The following MITF variants were observed in gnomAD, a reference collection of about 807,000 sequenced individuals.
MITF encodes melanocyte inducing transcription factor.
MITF carries 17 observed loss-of-function variants against 60.5 expected under a neutral mutation model. The observed-to-expected ratio is 0.28, with a 90% CI of 0.19 to 0.42. The LOEUF (loss-of-function observed/expected upper bound fraction) is 0.42, where lower values mean the gene tolerates loss of function less well. MITF is among the 10% of genes least tolerant of loss of function. The pLI, the probability that MITF is intolerant of heterozygous loss-of-function variation, is 1.00. For missense variants in MITF, 622 were observed against 683.5 expected (o/e 0.91, Z 1.00); for synonymous variants, 260 against 248.5 (o/e 1.05, Z -0.43).
intron 1 of MITF, among the ~76,000 whole-genome samples, chr3:69,831,905 A>G (rs1030158471): frequency 3.3e-5 from 5 of 152,098 alleles, no homozygotes; most frequent in African/African-American, 1.2e-4. Context: ...ACGGTGCCCG[A>G]GGGAGTGGGA....
At chr3:69,961,114 G>A (rs146795522) in intron 9 of MITF, among the ~76,000 whole-genome samples, 195 of 152,292 alleles carry the variant, frequency 1.3e-3, no homozygotes, top group Non-Finnish European at 2.5e-3. Flanking sequence ...GGCCGGGCAC[G>A]TGGCTCACGC....
intron 1 of MITF, among the ~76,000 whole-genome samples, chr3:69,868,268 A>G (rs1204386216): frequency 6.6e-6 from 1 of 152,010 alleles, no homozygotes; most frequent in East Asian, 1.9e-4. Flanking sequence ...ATGTCTTTCC[A>G]CCCCCATTTT....
At chr3:69,948,174 T>C (rs1316630449) in intron 5 of MITF, among the ~76,000 whole-genome samples, 1 of 152,132 alleles carries the variant, frequency 6.6e-6, no homozygotes, top group Non-Finnish European at 1.5e-5. Flanking sequence ...GTGAGGTCAG[T>C]CAACGATTTC....
Position 69,870,259 on chromosome 3 carries a change from TAC to T in MITF, c.105-8854_105-8853del, listed in dbSNP as rs146363082. Among the ~76,000 whole-genome samples, 363 of 145,152 alleles carry T rather than the reference TAC, an allele frequency of 2.5e-3. 3 individuals are homozygous for T. Among genetic ancestry groups the T allele is most frequent in the East Asian group, 8.3e-3 (41 of 4,962 alleles). ...GCACAAATCAGAGTTGGTAAATGGA[TAC>T]ACACACACACACACACACACGTGTG... On this transcript the variant is annotated intron_variant, in intron 1 of 9. Transcript: ENST00000352241.
chr3:69,790,637 T>C (rs180838743), intron 1 of MITF, among the ~76,000 whole-genome samples: 12 of 152,330 alleles, frequency 7.9e-5, no homozygotes, highest in African/African-American at 2.4e-4. Flanking sequence ...AATCAGTTTT[T>C]GACAAATGTG....
At chr3:69,886,771 C>T (rs766091033) in intron 2 of MITF, among the ~76,000 whole-genome samples, 3 of 151,970 alleles carry the variant, frequency 2.0e-5, no homozygotes, top group African/African-American at 7.3e-5. Context: ...CATTGACCCC[C>T]GTGGTAATTT....
rs1302024664 is a variant in MITF at position 69,793,145 on chromosome 3, C to T, written c.104+53444C>T. Among the ~76,000 whole-genome samples, 6 of 151,432 alleles carry T rather than the reference C, an allele frequency of 4.0e-5. No individual in the cohort carries two copies. The East Asian group carries it at 1.2e-3, about 29-fold the overall frequency. On this transcript the variant is annotated intron_variant, in intron 1 of 9. Transcript: ENST00000352241. ...CTTCCCACTTCAGCCTCCTGAGTAG[C>T]TGGAACTATAGGCGCTTGCCACCAC... is the stretch of plus-strand genomic sequence containing the variant.
At chr3:69,919,767 A>G (rs1275092148) in intron 2 of MITF, among the ~76,000 whole-genome samples, 4 of 152,132 alleles carry the variant, frequency 2.6e-5, no homozygotes. Flanking sequence ...TTGGAAAGAA[A>G]TAACTTTTCA....
At chr3:69,953,661 A>G (rs1186016270) in intron 7 of MITF, among the ~76,000 whole-genome samples, 2 of 134,674 alleles carry the variant, frequency 1.5e-5, no homozygotes, top group African/African-American at 2.7e-5. Flanking sequence ...ATATATATAT[A>G]TAGAGAGAGA....
intron 1 of MITF, among the ~76,000 whole-genome samples, chr3:69,770,142 T>C (rs2062370669): frequency 6.6e-6 from 1 of 152,204 alleles, no homozygotes; most frequent in African/African-American, 2.4e-5. Flanking sequence ...TGAAAAAAGA[T>C]TTCTTAGTAT....
intron 1 of MITF, among the ~76,000 whole-genome samples, chr3:69,810,400 G>T (rs1458899419): frequency 6.6e-6 from 1 of 152,114 alleles, no homozygotes; most frequent in Non-Finnish European, 1.5e-5. Flanking sequence ...AACTGCGTTT[G>T]CTGTAAGCTG....
chr3:69,854,679 C>A (rs2063885729), intron 1 of MITF, among the ~76,000 whole-genome samples: 1 of 152,144 alleles, frequency 6.6e-6, no homozygotes, highest in South Asian at 2.1e-4. Flanking sequence ...CCAATCTGGG[C>A]AATATTGACC....
chr3:69,926,171 A>G (rs2065581582), intron 2 of MITF, among the ~76,000 whole-genome samples: 1 of 152,182 alleles, frequency 6.6e-6, no homozygotes, highest in Non-Finnish European at 1.5e-5. Context: ...GTTGTTGGTG[A>G]GGTTAATTCC....
chr3:69,787,959 T>G (rs1194218251), intron 1 of MITF, among the ~76,000 whole-genome samples: 1 of 152,140 alleles, frequency 6.6e-6, no homozygotes, highest in Non-Finnish European at 1.5e-5. Context: ...TTCTGTTTAT[T>G]CATCACAGCA....
intron 1 of MITF, among the ~76,000 whole-genome samples, chr3:69,852,945 T>G (rs2063850344): frequency 6.6e-6 from 1 of 152,082 alleles, no homozygotes; most frequent in Non-Finnish European, 1.5e-5. Context: ...CAGCTAGAGT[T>G]AGAGAATAAG....
chr3:69,924,243 A>G (rs1481312790), intron 2 of MITF, among the ~76,000 whole-genome samples: 1 of 152,198 alleles, frequency 6.6e-6, no homozygotes, highest in African/African-American at 2.4e-5. Context: ...CGTGCCAGCA[A>G]CGCCACAGAA....
chr3:69,798,381 T>G (rs1227941310), intron 1 of MITF, among the ~76,000 whole-genome samples: 3 of 152,222 alleles, frequency 2.0e-5, no homozygotes, highest in Non-Finnish European at 4.4e-5. Flanking sequence ...GAGTCTTGGT[T>G]TGGTCACATG....
intron 1 of MITF, among the ~76,000 whole-genome samples, chr3:69,855,280 C>G: frequency 1.3e-5 from 1 of 76,494 alleles, no homozygotes. Flanking sequence ...AAAAAAAAAA[C>G]ACTTAAAGAA....
intron 2 of MITF, among the ~76,000 whole-genome samples, chr3:69,891,075 C>G (rs1384156202): frequency 6.6e-6 from 1 of 152,274 alleles, no homozygotes; most frequent in East Asian, 1.9e-4. Context: ...TTCTTATTAT[C>G]TTCCATTAAC....
Sources: gnomAD v4.1 joint callset for allele counts (sites outside exome capture counted in the v4.1 genomes callset) on GRCh38, gnomAD v4.1.1 for gene constraint, MANE v1.5 for transcripts, NCBI Gene and HGNC (gene_info 2026-07-23, HGNC 2026-07-21) for gene names.